The following ECE1 variants were observed in gnomAD, a reference collection of about 807,000 sequenced individuals.
The protein encoded by ECE1 is endothelin converting enzyme 1.
Under a neutral mutation model 98.6 loss-of-function variants are expected in ECE1, and 35 were observed. The observed-to-expected ratio is 0.35, with a 90% CI of 0.27 to 0.47. The LOEUF (loss-of-function observed/expected upper bound fraction) is 0.47. Ranked by LOEUF, ECE1 falls within the 20% of genes least tolerant of loss-of-function variation. ECE1 has a pLI of 1.00. For missense variants in ECE1, 814 were observed against 1,025.3 expected (o/e 0.79, Z 2.81); for synonymous variants, 394 against 407.1 (o/e 0.97, Z 0.39).
At chr1:21,226,021 T>C (rs950872193) in intron 16 of ECE1, among the ~76,000 whole-genome samples, 2 of 152,144 alleles carry the variant, frequency 1.3e-5, no homozygotes, top group Non-Finnish European at 2.9e-5. Context: ...TAAGGGCCCC[T>C]GACCCTGAGT....
intron 2 of ECE1, among the ~76,000 whole-genome samples, chr1:21,288,760 T>C (rs2098263254): frequency 1.3e-5 from 2 of 152,182 alleles, no homozygotes; most frequent in Non-Finnish European, 2.9e-5. Context: ...AAGAGTCCAC[T>C]GGGAAGAGGT....
rs1638615596 is a variant in ECE1, at chr1:21,307,146, T to TCA, written c.4-16991_4-16990insTG. Among the ~76,000 whole-genome samples, 2 of 152,166 alleles carry TCA rather than the reference T, an allele frequency of 1.3e-5. No homozygotes were observed. Among genetic ancestry groups the TCA allele is most frequent in the Admixed American group, 1.3e-4 (2 of 15,286 alleles). The stretch of plus-strand genomic sequence containing the variant: ...CCAGCATGGGTCTCAGCTCCCAGAC[T>TCA]GCTCCCTGCTTAGAACTCCTGTCCA... On this transcript the variant is annotated intron_variant, in intron 1 of 18. Transcript: ENST00000415912. This position sits in a 1 kb window ranked among gnomAD's most constrained non-coding sequence, Gnocchi z 4.2.
chr1:21,235,929 T>C lies in ECE1; in HGVS notation c.1489-2A>G. On this transcript the variant is annotated splice_acceptor_variant, in intron 12 of 18. Coordinates refer to ENST00000374893, the MANE Select transcript of ECE1 (RefSeq NM_001397.3). LOFTEE classifies it high-confidence loss of function. This position sits in a 1 kb window ranked among gnomAD's most constrained non-coding sequence, Gnocchi z 4.2. ...TATCATGTTGTAGATGGCATCGGCC[T>C]GGACAGGACAGACAGAGGAAGTGAG... The C allele has an allele frequency of 6.2e-7, 1 of 1,614,144 alleles. No individual in the cohort carries two copies. The highest frequency in any genetic ancestry group is 8.5e-7 in the Non-Finnish European group (1 of 1,179,966).
rs528650675 is a variant in ECE1 at position 21,325,479 on chromosome 1, CT to C, written c.3+19896del. Among the ~76,000 whole-genome samples, 847 of 152,380 alleles carry C rather than the reference CT, an allele frequency of 5.6e-3. 3 individuals carry two copies. The highest frequency in any genetic ancestry group is 0.01 in the Non-Finnish European group (685 of 68,044). ...GCTCCCCATGCAGGCTTCTCATCCT[CT>C]TTTGCTGGCCTCCTCCCTCCTCGCT... On this transcript the variant is annotated intron_variant, in intron 1 of 18. Coordinates refer to the ECE1 transcript ENST00000415912.
Position 21,258,606 on chromosome 1 carries a change from C to T in ECE1, c.762+87G>A, listed in dbSNP as rs1476354858. 1.3e-6 allele frequency: 2 copies of T among 1,484,208 alleles called. No homozygotes were observed. Among genetic ancestry groups the T allele is most frequent in the Non-Finnish European group, 1.8e-6 (2 of 1,082,034 alleles). 91.9% of individuals were successfully genotyped at this position (1,484,208 alleles called of 1,614,324 possible). ...GACCGCCGTCCCACCCAGGGCAAGC[C>T]CCTCTCCCACCCCAGGTCCTGCTAA... is the stretch of plus-strand genomic sequence containing the variant. On this transcript the variant is annotated intron_variant, in intron 6 of 18. Coordinates refer to ENST00000374893, the MANE Select transcript of ECE1 (RefSeq NM_001397.3). This position sits in a 1 kb window ranked among gnomAD's most constrained non-coding sequence, Gnocchi z 4.2.
At chr1:21,271,539 C>A (rs1242831450) in intron 4 of ECE1, among the ~76,000 whole-genome samples, 1 of 152,056 alleles carries the variant, frequency 6.6e-6, no homozygotes, top group Non-Finnish European at 1.5e-5. Flanking sequence ...CAGAATGCAG[C>A]CTCTCCCAGC....
intron 14 of ECE1, among the ~76,000 whole-genome samples, chr1:21,231,637 T>C (rs577244254): frequency 6.6e-6 from 1 of 152,198 alleles, no homozygotes; most frequent in African/African-American, 2.4e-5. Context: ...CCCCCGTACC[T>C]GGCCAAGAAC....
chr1:21,251,221 TAAC>T (rs1456943872), intron 8 of ECE1, among the ~76,000 whole-genome samples: 2 of 151,038 alleles, frequency 1.3e-5, no homozygotes, highest in African/African-American at 4.9e-5. Context: ...GGTAAACAGT[TAAC>T]AACTGCGCCG....
chr1:21,290,049 G>C lies in ECE1; in HGVS notation c.138+21C>G. On this transcript the variant is annotated intron_variant, in intron 2 of 18. Transcript: ENST00000374893. This position sits in a 1 kb window ranked among gnomAD's most constrained non-coding sequence, Gnocchi z 7.3. ...CGGGCCCGGGGCGCCTGGACCTCGG[G>C]AGGGAGCGGAGGGCGCCTACCTGCA... is the stretch of plus-strand genomic sequence containing the variant. 1 of 1,431,590 alleles carries C rather than the reference G, an allele frequency of 7.0e-7. No individual in the cohort carries two copies. The highest frequency in any genetic ancestry group is 1.4e-5 in the South Asian group (1 of 70,534). 88.7% of individuals were successfully genotyped at this position (1,431,590 alleles called of 1,614,324 possible). A position where few individuals can be genotyped will look rare whatever the true frequency, so the allele number is the denominator to read the frequency against.
Position 21,228,420 on chromosome 1 carries a change from A to G in ECE1, c.1671-379T>C, listed in dbSNP as rs543578556. ...AACACCTGACTGTCTATAAATAAGG[A>G]ATCAGTTAATTAATGATGTCATATC... On this transcript the variant is annotated intron_variant, in intron 14 of 18. Transcript: ENST00000374893. Among the ~76,000 whole-genome samples the G allele has an allele frequency of 3.3e-5, 5 of 152,224 alleles. No homozygotes were observed. The South Asian group carries it at 1.0e-3, about 32-fold the overall frequency.
At chr1:21,311,413 C>A (rs777458582) in intron 1 of ECE1, among the ~76,000 whole-genome samples, 27 of 151,280 alleles carry the variant, frequency 1.8e-4, no homozygotes, top group Non-Finnish European at 2.5e-4. Flanking sequence ...GGGTTCACGC[C>A]TGTGATCCCA....
chr1:21,263,502 G>A (rs957789173), intron 4 of ECE1, among the ~76,000 whole-genome samples: 4 of 152,016 alleles, frequency 2.6e-5, no homozygotes, highest in Admixed American at 6.5e-5. Context: ...GACTACAGGC[G>A]TGTACCACCA....
chr1:21,268,214 A>C (rs2098236302), intron 4 of ECE1, among the ~76,000 whole-genome samples: 1 of 152,124 alleles, frequency 6.6e-6, no homozygotes, highest in South Asian at 2.1e-4. Context: ...CTGGTAGAAT[A>C]ATCTGAGCTA....
intron 2 of ECE1, among the ~76,000 whole-genome samples, chr1:21,280,706 G>C (rs572388058): frequency 1.3e-5 from 2 of 152,268 alleles, no homozygotes; most frequent in South Asian, 4.1e-4. Context: ...CCCTGGTGCC[G>C]GGTCAGAGCC....
chr1:21,221,286 C>T (rs1437355623), intron 18 of ECE1, among the ~76,000 whole-genome samples: 1 of 152,164 alleles, frequency 6.6e-6, no homozygotes, highest in Non-Finnish European at 1.5e-5. Context: ...TCTCATGCCT[C>T]AGCCTCCCAA....
chr1:21,277,367 C>A (rs1420690375), intron 3 of ECE1, among the ~76,000 whole-genome samples: 1 of 152,244 alleles, frequency 6.6e-6, no homozygotes, highest in Admixed American at 6.5e-5. Flanking sequence ...ATCTTTGGAG[C>A]TCCGAGGGGC....
At chr1:21,281,312 G>A (rs1395841443) in intron 2 of ECE1, among the ~76,000 whole-genome samples, 3 of 152,204 alleles carry the variant, frequency 2.0e-5, no homozygotes, top group African/African-American at 7.2e-5. Flanking sequence ...GGCAGTGGGA[G>A]GGATGCCGCC....
intron 4 of ECE1, among the ~76,000 whole-genome samples, chr1:21,268,506 G>A (rs113232132): frequency 1.3e-5 from 2 of 152,360 alleles, no homozygotes; most frequent in African/African-American, 4.8e-5. Context: ...TTGCCTCTGA[G>A]GAGCCTAGCA....
chr1:21,242,711 C>T (rs1456794804), intron 10 of ECE1, among the ~76,000 whole-genome samples: 4 of 152,244 alleles, frequency 2.6e-5, no homozygotes, highest in Admixed American at 6.5e-5. Flanking sequence ...GCTCCAAGTG[C>T]CATATTCAAG....
Sources: gnomAD v4.1 joint callset for allele counts (sites outside exome capture counted in the v4.1 genomes callset) on GRCh38, gnomAD v4.1.1 for gene constraint, Gnocchi (gnomAD v3.1) non-coding constraint, MANE v1.5 for transcripts, NCBI Gene and HGNC (gene_info 2026-07-23, HGNC 2026-07-21) for gene names.